The following CXCL12 variants were observed in gnomAD, a reference collection of about 807,000 sequenced individuals.
CXCL12 encodes the protein C-X-C motif chemokine ligand 12.
A neutral mutation model predicts 10.7 loss-of-function variants in CXCL12; 4 were observed. The observed-to-expected ratio is 0.37, with a 90% CI of 0.18 to 0.86. The LOEUF is 0.86. Ranked by LOEUF, CXCL12 falls within the 40% of genes least tolerant of loss-of-function variation. The pLI is 0.43. For missense variants in CXCL12, 122 were observed against 110.4 expected (o/e 1.10, Z -0.47); for synonymous variants, 54 against 45.4 (o/e 1.19, Z -0.77).
exon 4 of CXCL12, chr10:44,370,209 T>C (rs1391088720): frequency 6.6e-6 from 1 of 152,294 alleles, no homozygotes; most frequent in Non-Finnish European, 1.5e-5. Flanking sequence ...TAAGTGCATA[T>C]ACATTTTTTC....
chr10:44,375,091 G>C (rs1839417489), downstream of CXCL12, among the ~76,000 whole-genome samples: 1 of 152,224 alleles, frequency 6.6e-6, no homozygotes, highest in Admixed American at 6.5e-5. Flanking sequence ...AGGCGGGAGG[G>C]GACAGGCTGG....
At chr10:44,380,178 T>A (rs1839586776) in intron 2 of CXCL12, among the ~76,000 whole-genome samples, 1 of 152,200 alleles carries the variant, frequency 6.6e-6, no homozygotes, top group Admixed American at 6.5e-5. Context: ...GATCTTCCTG[T>A]CTTGTGGATG....
At chr10:44,374,643 G>C (rs780651124), downstream of CXCL12, 2 of 455,958 alleles carry the variant, frequency 4.4e-6, no homozygotes, top group East Asian at 1.4e-4. Flanking sequence ...TGATCACAGG[G>C]AGCTCATTAA....
chr10:44,384,592 T>G (rs1315441885), intron 1 of CXCL12, among the ~76,000 whole-genome samples: 1 of 152,088 alleles, frequency 6.6e-6, no homozygotes, highest in Non-Finnish European at 1.5e-5. Context: ...GGGAAGGCAG[T>G]GGGTGGAGGG....
At chr10:44,375,067 C>T (rs1839416873), downstream of CXCL12, among the ~76,000 whole-genome samples, 1 of 152,224 alleles carries the variant, frequency 6.6e-6, no homozygotes, top group Non-Finnish European at 1.5e-5. Flanking sequence ...CTGGAGCACA[C>T]GCCATCACGC....
In CXCL12 at chr10:44,378,085, C is replaced by G; in HGVS notation, c.*548G>C. ...TGAAGGCAGTGGCGGCGCCCAGCCC[C>G]AGTCGGTATCTGAGTGCCACAGAGG... is the stretch of plus-strand genomic sequence containing the variant. On this transcript the variant is annotated 3_prime_UTR_variant, in exon 3 of 3. Transcript: ENST00000343575. 1 of 1,453,078 alleles carries G rather than the reference C, an allele frequency of 6.9e-7. No individual in the cohort carries two copies. Among genetic ancestry groups the G allele is most frequent in the Non-Finnish European group, 9.0e-7 (1 of 1,111,302 alleles). 90.0% of individuals were successfully genotyped at this position (1,453,078 alleles called of 1,614,324 possible).
At chr10:44,375,156 G>A (rs559624029), downstream of CXCL12, among the ~76,000 whole-genome samples, 35 of 152,302 alleles carry the variant, frequency 2.3e-4, no homozygotes, top group South Asian at 4.3e-3. Context: ...TGTCCTCCAC[G>A]TGGGGGACCC....
chr10:44,374,805 G>T (rs1156783086), downstream of CXCL12: 5 of 400,682 alleles, frequency 1.2e-5, no homozygotes, highest in East Asian at 3.6e-4. Context: ...GTGCAGGGTG[G>T]GCGGGTGTTT....
chr10:44,378,090 G>A lies in CXCL12; in HGVS notation c.*543C>T, dbSNP rs1461993008. 1.4e-5 allele frequency: 21 copies of A among 1,450,956 alleles called. No homozygotes were observed. The East Asian group carries it at 3.5e-4, about 24-fold the overall frequency. 89.9% of individuals were successfully genotyped at this position (1,450,956 alleles called of 1,614,324 possible). ...GCAGTGGCGGCGCCCAGCCCCAGTCGGTATCTGAGTGCCACAGAGGCCTTC... is the reference window on the plus strand; with the variant it reads ...GCAGTGGCGGCGCCCAGCCCCAGTCAGTATCTGAGTGCCACAGAGGCCTTC... On this transcript the variant is annotated 3_prime_UTR_variant, in exon 3 of 3. Coordinates refer to ENST00000343575, the MANE Select transcript of CXCL12 (RefSeq NM_199168.4).
At position 44,377,550 on chromosome 10, in the gene CXCL12, G is replaced by A; in HGVS notation, c.*1083C>T. 4.9e-6 allele frequency: 7 copies of A among 1,443,152 alleles called. No individual in the cohort carries two copies. Among genetic ancestry groups the A allele is most frequent in the Non-Finnish European group, 5.4e-6 (6 of 1,103,296 alleles). 89.4% of individuals were successfully genotyped at this position (1,443,152 alleles called of 1,614,324 possible). On this transcript the variant is annotated 3_prime_UTR_variant, in exon 3 of 3. Transcript: ENST00000343575. ...TGAAACCCTGCTGTGGCTTCAGGAG[G>A]GGGTAGTGGCAAGATGATGGTTTAT...
intron 1 of CXCL12, among the ~76,000 whole-genome samples, chr10:44,383,569 A>C (rs1839698687): frequency 7.2e-6 from 1 of 138,674 alleles, no homozygotes; most frequent in Non-Finnish European, 1.5e-5. Context: ...GAACAGAAGA[A>C]TATCCAGCAA....
Position 44,377,861 on chromosome 10 carries a change from G to A in CXCL12, c.*772C>T, listed in dbSNP as rs1839504249. ...GGGAGGAGAGGGATGCAGGGCACGA[G>A]CCCCAGCAATCACCCTCTTCCCGGC... On this transcript the variant is annotated 3_prime_UTR_variant, in exon 3 of 3. Transcript: ENST00000343575. 6.3e-7 allele frequency: 1 copy of A among 1,586,304 alleles called. No homozygotes were observed. The highest frequency in any genetic ancestry group is 1.1e-5 in the South Asian group (1 of 89,058).
chr10:44,383,002 GC>G (rs1363939572), intron 1 of CXCL12, among the ~76,000 whole-genome samples: 1 of 152,190 alleles, frequency 6.6e-6, no homozygotes, highest in Non-Finnish European at 1.5e-5. Context: ...TTTTCAGAAA[GC>G]CCTCCAGTCT....
At chr10:44,370,331 T>G (rs1302008666) in exon 4 of CXCL12, 1 of 152,680 alleles carries the variant, frequency 6.5e-6, no homozygotes, top group Non-Finnish European at 1.5e-5. Context: ...ATTTTCACAT[T>G]ATCTGGGAGA....
chr10:44,376,759 A>C (rs1839463912), downstream of CXCL12, among the ~76,000 whole-genome samples: 1 of 152,162 alleles, frequency 6.6e-6, no homozygotes, highest in Non-Finnish European at 1.5e-5. Context: ...TGGGATTTTT[A>C]CATGGGAAAA....
chr10:44,383,007 C>G (rs1056693998), intron 1 of CXCL12, among the ~76,000 whole-genome samples: 1 of 152,180 alleles, frequency 6.6e-6, no homozygotes, highest in Non-Finnish European at 1.5e-5. Flanking sequence ...AGAAAGCCCT[C>G]CAGTCTAATG....
chr10:44,377,354 C>G lies in CXCL12; in HGVS notation c.*1279G>C. On this transcript the variant is annotated 3_prime_UTR_variant, in exon 3 of 3. Coordinates refer to ENST00000343575, the MANE Select transcript of CXCL12 (RefSeq NM_199168.4). ...CACTTCAAATATATGAATTGTTCGA[C>G]TATAAATATATTTTGAAATACATTT... The G allele has an allele frequency of 5.6e-6, 6 of 1,062,642 alleles. No individual in the cohort carries two copies. Among genetic ancestry groups the G allele is most frequent in the Non-Finnish European group, 6.8e-6 (6 of 876,638 alleles). The allele number at this position is 1,062,642 out of a possible 1,614,324, so 65.8% of individuals were successfully genotyped here. A position where few individuals can be genotyped will look rare whatever the true frequency, so the allele number is the denominator to read the frequency against.
At chr10:44,373,603 C>T (rs529297751), downstream of CXCL12, among the ~76,000 whole-genome samples, 7 of 152,308 alleles carry the variant, frequency 4.6e-5, no homozygotes, top group African/African-American at 1.4e-4. Flanking sequence ...GCGTGGCAGA[C>T]GCACGAAGGC....
At position 44,377,254 on chromosome 10, in the gene CXCL12, C is replaced by G; in HGVS notation, c.*1379G>C. On this transcript the variant is annotated 3_prime_UTR_variant, in exon 3 of 3. Transcript: ENST00000343575. Reference sequence around the variant, plus strand: ...AAAAGCTGCAATCACATTTATATATCATATATATTTCTTTACAAATTGCCA... The same window carrying G: ...AAAAGCTGCAATCACATTTATATATGATATATATTTCTTTACAAATTGCCA... The G allele has an allele frequency of 6.0e-6, 6 of 998,178 alleles. No homozygotes were observed. The highest frequency in any genetic ancestry group is 4.8e-6 in the Non-Finnish European group (4 of 837,986). 61.8% of individuals were successfully genotyped at this position (998,178 alleles called of 1,614,324 possible). A position where few individuals can be genotyped will look rare whatever the true frequency, so the allele number is the denominator to read the frequency against.
Sources: gnomAD v4.1 joint callset for allele counts (sites outside exome capture counted in the v4.1 genomes callset) on GRCh38, gnomAD v4.1.1 for gene constraint, MANE v1.5 for transcripts, NCBI Gene and HGNC (gene_info 2026-07-23, HGNC 2026-07-21) for gene names.